The following OSBPL10 variants were observed in gnomAD, a reference collection of about 807,000 sequenced individuals.
The protein encoded by OSBPL10 is oxysterol binding protein like 10, also known as oxysterol-binding protein-related protein 10.
Under a neutral mutation model 81.7 loss-of-function variants are expected in OSBPL10, and 49 were observed. The observed-to-expected ratio is 0.60, with a 90% confidence interval of 0.48 to 0.76. The LOEUF is 0.76. OSBPL10 is among the 30% of genes least tolerant of loss of function. OSBPL10 has a pLI of 0.00. For missense variants in OSBPL10, 923 were observed against 987.8 expected, an observed-to-expected ratio of 0.93 and a Z score of 0.88; for synonymous variants, 419 against 383.6, an observed-to-expected ratio of 1.09 and a Z score of -1.08.
intron 4 of OSBPL10, among the ~76,000 whole-genome samples, chr3:31,817,808 A>T (rs1029803184): frequency 1.3e-5 from 2 of 152,208 alleles, no homozygotes; most frequent in Non-Finnish European, 2.9e-5. Flanking sequence ...GTGCAGCCCC[A>T]GTCAAGCCTC....
intron 3 of OSBPL10, among the ~76,000 whole-genome samples, chr3:31,874,006 A>G (rs75712480): frequency 6.6e-6 from 1 of 152,228 alleles, no homozygotes; most frequent in East Asian, 1.9e-4. Context: ...AAACTTCTAA[A>G]TTATTATTTA....
Position 31,766,347 on chromosome 3 carries a change from G to GT in OSBPL10, c.730-18228dup, listed in dbSNP as rs1491035746. Among the ~76,000 whole-genome samples the GT allele has an allele frequency of 2.3e-3, 75 of 32,974 alleles. 1 individual carries two copies. The highest frequency in any genetic ancestry group is 0.019 in the South Asian group (12 of 634). The allele number at this position is 32,974 out of a possible 152,430, so 21.6% of individuals were successfully genotyped here. Reference sequence around the variant, plus strand: ...TTTTTTTGTTTTTTTGTTTTTTTTTGTTTTTTTTTTGAGACACGGTCTCAC... The same window carrying GT: ...TTTTTTTGTTTTTTTGTTTTTTTTTGTTTTTTTTTTTGAGACACGGTCTCAC... On this transcript the variant is annotated intron_variant, in intron 4 of 11. Transcript: ENST00000396556.
chr3:32,042,692 C>T (rs1382673357), intron 2 of OSBPL10, among the ~76,000 whole-genome samples: 6 of 152,032 alleles, frequency 3.9e-5, no homozygotes, highest in East Asian at 3.9e-4. Context: ...TCGGTAGGAC[C>T]GTGATGCCCA....
At chr3:32,056,401 G>T (rs566234313) in intron 1 of OSBPL10, among the ~76,000 whole-genome samples, 13 of 152,192 alleles carry the variant, frequency 8.5e-5, no homozygotes, top group Non-Finnish European at 1.9e-4. Flanking sequence ...TTCATGGAAA[G>T]CCTTCTTATT....
At chr3:31,943,258 C>T (rs1697586735) in intron 1 of OSBPL10, among the ~76,000 whole-genome samples, 1 of 152,202 alleles carries the variant, frequency 6.6e-6, no homozygotes, top group African/African-American at 2.4e-5. Flanking sequence ...CATTCATCTA[C>T]TGATGCACAC....
At chr3:31,903,601 G>A (rs1307684846) in intron 1 of OSBPL10, among the ~76,000 whole-genome samples, 1 of 152,054 alleles carries the variant, frequency 6.6e-6, no homozygotes, top group African/African-American at 2.4e-5. Context: ...AAAGTGCTGG[G>A]ATTATAGGCA....
At chr3:31,719,541 G>A (rs1053523774) in intron 6 of OSBPL10, among the ~76,000 whole-genome samples, 1 of 152,088 alleles carries the variant, frequency 6.6e-6, no homozygotes, top group Non-Finnish European at 1.5e-5. Context: ...AAATAAAGTG[G>A]AAATAAAATA....
chr3:31,700,689 A>T (rs1265809555), intron 7 of OSBPL10, among the ~76,000 whole-genome samples: 1 of 152,204 alleles, frequency 6.6e-6, no homozygotes, highest in Non-Finnish European at 1.5e-5. Context: ...GTGATTTTAG[A>T]TTGTACTTGT....
intron 8 of OSBPL10, among the ~76,000 whole-genome samples, chr3:31,681,596 C>A (rs1413356324): frequency 1.6e-4 from 24 of 152,132 alleles, no homozygotes. Context: ...ACTGGAGTAA[C>A]CAGCATCATG....
chr3:31,845,010 A>T (rs991990665), intron 3 of OSBPL10, among the ~76,000 whole-genome samples: 3 of 152,218 alleles, frequency 2.0e-5, no homozygotes, highest in Non-Finnish European at 2.9e-5. Context: ...TGAGCCCAGG[A>T]GGTCAAAGCT....
chr3:31,845,003 G>A (rs1020952268), intron 3 of OSBPL10, among the ~76,000 whole-genome samples: 3 of 152,152 alleles, frequency 2.0e-5, no homozygotes, highest in Non-Finnish European at 1.5e-5. Context: ...GATCACTTGA[G>A]CCCAGGAGGT....
intron 1 of OSBPL10, among the ~76,000 whole-genome samples, chr3:31,967,297 C>T (rs565923519): frequency 9.2e-5 from 14 of 152,204 alleles, no homozygotes; most frequent in Non-Finnish European, 1.3e-4. Context: ...AGGGAGCTTG[C>T]CATTGCCAGG....
In OSBPL10 at chr3:31,868,595, C is replaced by T. The variant is rs770620026; in HGVS notation, c.537+7838G>A. Among the ~76,000 whole-genome samples, 12 of 152,038 alleles carry T rather than the reference C, an allele frequency of 7.9e-5. No homozygotes were observed. In the East Asian group the frequency reaches 9.7e-4, roughly 12 times the overall value. ...AGACTCATAAGCTATTATTACACTTCGTGTACAAGTCATCTCCACAAATGA... is the reference window on the plus strand; with the variant it reads ...AGACTCATAAGCTATTATTACACTTTGTGTACAAGTCATCTCCACAAATGA... On this transcript the variant is annotated intron_variant, in intron 3 of 11. Transcript: ENST00000396556.
At chr3:32,015,211 G>A (rs1183918281) in intron 2 of OSBPL10, among the ~76,000 whole-genome samples, 2 of 152,146 alleles carry the variant, frequency 1.3e-5, no homozygotes, top group Non-Finnish European at 1.5e-5. Flanking sequence ...CAAGGCTACA[G>A]TAACCAAAAC....
At chr3:32,002,328 C>T (rs1428542659) in intron 2 of OSBPL10, among the ~76,000 whole-genome samples, 1 of 152,124 alleles carries the variant, frequency 6.6e-6, no homozygotes, top group African/African-American at 2.4e-5. Context: ...AAAGAGACCA[C>T]ACACCAGGAG....
intron 1 of OSBPL10, among the ~76,000 whole-genome samples, chr3:31,919,661 A>G (rs139662413): frequency 9.1e-4 from 138 of 152,336 alleles, no homozygotes; most frequent in African/African-American, 3.0e-3. Flanking sequence ...ATATCACCAG[A>G]GTTAATAAAC....
intron 1 of OSBPL10, among the ~76,000 whole-genome samples, chr3:31,928,508 C>T (rs1037827983): frequency 1.6e-5 from 2 of 125,804 alleles, no homozygotes; most frequent in East Asian, 2.9e-4. Flanking sequence ...CGCAGAGCGG[C>T]TCCTGCCTGT....
At chr3:31,894,123 T>C (rs530783551) in intron 1 of OSBPL10, among the ~76,000 whole-genome samples, 6 of 152,256 alleles carry the variant, frequency 3.9e-5, no homozygotes, top group African/African-American at 7.2e-5. Context: ...AGGAATTCAG[T>C]TTTGGGAATG....
rs551177531 is a variant in OSBPL10, at chr3:31,864,327, C to T, written c.537+12106G>A. Among the ~76,000 whole-genome samples the T allele has an allele frequency of 9.2e-5, 14 of 152,190 alleles. No homozygotes were observed. In the East Asian group the frequency reaches 1.2e-3, roughly 13 times the overall value. On this transcript the variant is annotated intron_variant, in intron 3 of 11. Transcript: ENST00000396556. ...GTGCAATCTGGCTCACTGCAACCTC[C>T]GCCTCCTGGGTTCAAGCAATTCTCC... is the stretch of plus-strand genomic sequence containing the variant.
Sources: allele counts gnomAD v4.1 joint callset (sites outside exome capture counted in the v4.1 genomes callset), GRCh38; gene constraint gnomAD v4.1.1; transcripts MANE v1.5; gene names NCBI Gene and HGNC (gene_info 2026-07-23, HGNC 2026-07-21).